The following PDE3B variants were observed in gnomAD, a reference collection of about 807,000 sequenced individuals.
PDE3B encodes cGMP-inhibited 3',5'-cyclic phosphodiesterase 3B.
PDE3B carries 66 observed loss-of-function variants against 116.8 expected under a neutral mutation model. The observed-to-expected ratio is 0.56, with a 90% CI of 0.46 to 0.69. PDE3B has a LOEUF of 0.69. Among genes scored for constraint, PDE3B ranks in the 30% least tolerant of loss-of-function variants. The pLI, the probability that PDE3B is intolerant of heterozygous loss-of-function variation, is 0.00. For synonymous variants in PDE3B, 595 were observed against 533.6 expected (o/e 1.12, Z -1.59); for missense variants, 1,384 against 1,368.1 (o/e 1.01, Z -0.18).
chr11:14,784,113 C>T (rs1193307884), intron 2 of PDE3B, among the ~76,000 whole-genome samples: 2 of 152,190 alleles, frequency 1.3e-5, no homozygotes, highest in African/African-American at 4.8e-5. Flanking sequence ...CATTCTGAAA[C>T]CATCTCCTCG....
At chr11:14,747,631 C>A (rs1389185885) in intron 1 of PDE3B, among the ~76,000 whole-genome samples, 1 of 151,994 alleles carries the variant, frequency 6.6e-6, no homozygotes, top group African/African-American at 2.4e-5. Context: ...AGAAGCATAT[C>A]GTGTGCATAA....
intron 1 of PDE3B, among the ~76,000 whole-genome samples, chr11:14,672,722 C>G (rs918828411): frequency 6.6e-6 from 1 of 152,054 alleles, no homozygotes; most frequent in Admixed American, 6.6e-5. Context: ...TCACACTTAT[C>G]TTCCAGTCAG....
At chr11:14,815,613 G>T (rs1170663133) in intron 5 of PDE3B, among the ~76,000 whole-genome samples, 1 of 152,140 alleles carries the variant, frequency 6.6e-6, no homozygotes, top group Admixed American at 6.5e-5. Context: ...TCTCTAGCAA[G>T]ATGGAATTCA....
At chr11:14,734,786 CT>C (rs796300062) in intron 1 of PDE3B, among the ~76,000 whole-genome samples, 18 of 151,202 alleles carry the variant, frequency 1.2e-4, no homozygotes, top group African/African-American at 1.7e-4. Flanking sequence ...TATATCTCCT[CT>C]TTTTTTTTGT....
At chr11:14,891,894 G>A in the PDE3B span, 3 of 1,504,196 alleles carry the variant, frequency 2.0e-6, no homozygotes. Context: ...GTCGGCCCAG[G>A]GGCGGCCATA....
chr11:14,689,189 A>G (rs897110877), intron 1 of PDE3B, among the ~76,000 whole-genome samples: 2 of 152,252 alleles, frequency 1.3e-5, no homozygotes, highest in African/African-American at 4.8e-5. Context: ...GATGAAAATT[A>G]TCTACTAAGA....
chr11:14,869,086 C>G (rs77364835), intron 15 of PDE3B, among the ~76,000 whole-genome samples: 48 of 152,146 alleles, frequency 3.2e-4, no homozygotes, highest in African/African-American at 1.1e-3. Flanking sequence ...ATAAGAATGC[C>G]CTTAAAGGTT....
At chr11:14,784,783 C>T (rs1858141089) in intron 2 of PDE3B, among the ~76,000 whole-genome samples, 1 of 151,864 alleles carries the variant, frequency 6.6e-6, no homozygotes, top group Admixed American at 6.6e-5. Context: ...TGAGGTATTC[C>T]TGTTGTCATT....
At chr11:14,653,158 A>C (rs527913394) in intron 1 of PDE3B, among the ~76,000 whole-genome samples, 78 of 152,082 alleles carry the variant, frequency 5.1e-4, no homozygotes, top group Non-Finnish European at 9.1e-4. Context: ...TGTTTGTTCT[A>C]ATGGTTTTTT....
chr11:14,775,272 T>A (rs1857752800), intron 2 of PDE3B: 1 of 152,192 alleles, frequency 6.6e-6, no homozygotes, highest in South Asian at 2.1e-4. Flanking sequence ...CTTCAACAAT[T>A]TCATATTCCC....
At chr11:14,730,688 A>T (rs1856433252) in intron 1 of PDE3B, among the ~76,000 whole-genome samples, 1 of 152,218 alleles carries the variant, frequency 6.6e-6, no homozygotes, top group Non-Finnish European at 1.5e-5. Flanking sequence ...ATTATCAGAT[A>T]TCATAAACAT....
intron 4 of PDE3B, among the ~76,000 whole-genome samples, chr11:14,802,606 T>C (rs1442786373): frequency 1.3e-5 from 2 of 152,166 alleles, no homozygotes; most frequent in Non-Finnish European, 2.9e-5. Flanking sequence ...CCATCTTGCC[T>C]GGGAACACAC....
At chr11:14,890,427 C>T in the PDE3B span, 1 of 975,790 alleles carries the variant, frequency 1.0e-6, no homozygotes, top group Non-Finnish European at 1.2e-6. Context: ...AAGAATTATA[C>T]ATACCTTTAT....
At chr11:14,667,400 A>G (rs1200701993) in intron 1 of PDE3B, among the ~76,000 whole-genome samples, 1 of 151,612 alleles carries the variant, frequency 6.6e-6, no homozygotes. Flanking sequence ...TAACCTGCAC[A>G]TTGTGCACAT....
intron 1 of PDE3B, among the ~76,000 whole-genome samples, chr11:14,658,455 C>T (rs1422470863): frequency 6.6e-6 from 1 of 152,058 alleles, no homozygotes; most frequent in Non-Finnish European, 1.5e-5. Flanking sequence ...CTCCTGGGTT[C>T]AAGGATTCTC....
At chr11:14,790,703 A>G (rs987663162) in intron 4 of PDE3B, among the ~76,000 whole-genome samples, 5 of 152,138 alleles carry the variant, frequency 3.3e-5, no homozygotes, top group African/African-American at 1.2e-4. Flanking sequence ...TATGCCTCAT[A>G]AAATATTTAG....
At chr11:14,679,068 G>A (rs1211654425) in intron 1 of PDE3B, among the ~76,000 whole-genome samples, 1 of 152,076 alleles carries the variant, frequency 6.6e-6, no homozygotes, top group Non-Finnish European at 1.5e-5. Context: ...CTATATTTAT[G>A]CAGATTTATT....
chr11:14,738,996 T>G (rs1856681513), intron 1 of PDE3B, among the ~76,000 whole-genome samples: 1 of 152,232 alleles, frequency 6.6e-6, no homozygotes. Context: ...GCTGTTTTGG[T>G]TACTGTAGCC....
At chr11:14,760,786 A>C (rs1013034042) in intron 1 of PDE3B, among the ~76,000 whole-genome samples, 1 of 152,188 alleles carries the variant, frequency 6.6e-6, no homozygotes, top group Non-Finnish European at 1.5e-5. Flanking sequence ...GAACATTAAA[A>C]AAATTGACAT....
Sources: gnomAD v4.1 joint callset for allele counts (sites outside exome capture counted in the v4.1 genomes callset) on GRCh38, gnomAD v4.1.1 for gene constraint, MANE v1.5 for transcripts, NCBI Gene and HGNC (gene_info 2026-07-23, HGNC 2026-07-21) for gene names.